Variants in RBFOX1 observed in about 807,000 individuals in gnomAD.
RBFOX1 encodes the protein RNA binding protein fox-1 homolog 1.
A neutral mutation model predicts 57.7 loss-of-function variants in RBFOX1; 8 were observed. The ratio of observed to expected loss-of-function variants is 0.14; its 90% CI spans 0.08 to 0.25. The LOEUF is 0.25. Ranked by LOEUF, RBFOX1 falls within the 10% of genes least tolerant of loss-of-function variation. The pLI is 1.00. For synonymous variants in RBFOX1, 326 were observed against 222.4 expected (o/e 1.47, Z -4.15); for missense variants, 611 against 548.5 (o/e 1.11, Z -1.14).
chr16:7,087,596 G>C (rs1412593178), intron 4 of RBFOX1, among the ~76,000 whole-genome samples: 1 of 151,840 alleles, frequency 6.6e-6, no homozygotes, highest in East Asian at 1.9e-4. Flanking sequence ...GAGGGGGAGA[G>C]AGAGGGAGAG....
chr16:7,508,455 G>A (rs2074070086), intron 4 of RBFOX1, among the ~76,000 whole-genome samples: 1 of 152,094 alleles, frequency 6.6e-6, no homozygotes, highest in African/African-American at 2.4e-5. Flanking sequence ...TGCTGTCCTC[G>A]CATACTGAGC....
intron 5 of RBFOX1, among the ~76,000 whole-genome samples, chr16:7,543,148 AG>A (rs2083422951): frequency 2.0e-5 from 3 of 152,310 alleles, no homozygotes; most frequent in East Asian, 3.9e-4. Context: ...TAAATCACTC[AG>A]GGTTGGTGTT....
chr16:7,213,159 C>A (rs555973417), intron 4 of RBFOX1, among the ~76,000 whole-genome samples: 42 of 152,252 alleles, frequency 2.8e-4, no homozygotes, highest in Admixed American at 5.2e-4. Flanking sequence ...TCCCTAACCA[C>A]CTCAAAACAC....
chr16:6,794,155 C>T (rs913015182), intron 3 of RBFOX1, among the ~76,000 whole-genome samples: 2 of 152,028 alleles, frequency 1.3e-5, no homozygotes, highest in Non-Finnish European at 2.9e-5. Context: ...GAAAGTGTTC[C>T]CTAAGTTCTT....
At position 5,543,332 on chromosome 16, in the gene RBFOX1, G is replaced by GA. The variant is rs555029629; in HGVS notation, c.259-55569dup. Among the ~76,000 whole-genome samples the GA allele has an allele frequency of 5.9e-5, 9 of 152,046 alleles. No individual in the cohort carries two copies. The South Asian group carries it at 1.9e-3, about 32-fold the overall frequency. ...TAAAAAATTAAACAGAAACATGGAA[G>GA]ACAAAAAAAGACCCAAATCAAAACT... On this transcript the variant is annotated intron_variant, in intron 2 of 2. Transcript: ENST00000585867.
intron 2 of RBFOX1, among the ~76,000 whole-genome samples, chr16:6,560,172 A>G (rs2097160635): frequency 3.4e-5 from 2 of 58,414 alleles, no homozygotes; most frequent in East Asian, 5.4e-4. Context: ...TTTGCCATTT[A>G]TCAAAAAAAA....
chr16:7,642,439 A>C (rs1336087565), intron 11 of RBFOX1, among the ~76,000 whole-genome samples: 1 of 152,096 alleles, frequency 6.6e-6, no homozygotes, highest in Non-Finnish European at 1.5e-5. Context: ...TCGCGTACCC[A>C]TCTTGTGAGC....
At chr16:5,797,909 G>A (rs982922746) in intron 3 of RBFOX1, among the ~76,000 whole-genome samples, 5 of 152,170 alleles carry the variant, frequency 3.3e-5, no homozygotes, top group Middle Eastern at 3.2e-3. Context: ...CACTCCATCT[G>A]CTTGAGGTTA....
intron 3 of RBFOX1, among the ~76,000 whole-genome samples, chr16:6,867,250 C>G (rs918569627): frequency 6.6e-6 from 1 of 151,640 alleles, no homozygotes; most frequent in African/African-American, 2.4e-5. Context: ...TTTTTTCTTC[C>G]TTTTTTTTCC....
chr16:7,085,340 C>G (rs2059829015), intron 4 of RBFOX1, among the ~76,000 whole-genome samples: 1 of 151,968 alleles, frequency 6.6e-6, no homozygotes, highest in South Asian at 2.1e-4. Flanking sequence ...CCTTACCTTG[C>G]TGGATCAGCC....
intron 12 of RBFOX1, among the ~76,000 whole-genome samples, chr16:7,663,185 C>G (rs922558755): frequency 1.7e-4 from 26 of 152,184 alleles, no homozygotes; most frequent in African/African-American, 6.0e-4. Flanking sequence ...CCTTCTGACC[C>G]CCCAACCGAC....
rs538035312 is a variant in RBFOX1, at chr16:6,459,074, G to A, written c.-64+142017G>A. On this transcript the variant is annotated intron_variant, in intron 2 of 15. Transcript: ENST00000550418. ...TTTTCAGCCAAGCCTGGTGGCTCAC[G>A]CCTGTAATCCCAGCACTTTGGGAGG... 2.9e-4 allele frequency among the ~76,000 whole-genome samples: 44 copies of A among 152,308 alleles called. No individual in the cohort carries two copies. In the South Asian group the frequency reaches 8.5e-3, roughly 29 times the overall value.
At chr16:7,254,482 C>T (rs965443002) in intron 4 of RBFOX1, among the ~76,000 whole-genome samples, 4 of 140,276 alleles carry the variant, frequency 2.9e-5, no homozygotes, top group African/African-American at 1.1e-4. Flanking sequence ...TGTCATGTTC[C>T]TGTCTCTCTC....
chr16:7,637,870 C>A (rs1333064403), intron 11 of RBFOX1, among the ~76,000 whole-genome samples: 2 of 152,072 alleles, frequency 1.3e-5, no homozygotes, highest in Non-Finnish European at 1.5e-5. Context: ...CATTTTAATG[C>A]AATATTTTTA....
At chr16:6,442,536 G>C (rs2094405640) in intron 2 of RBFOX1, among the ~76,000 whole-genome samples, 1 of 150,198 alleles carries the variant, frequency 6.7e-6, no homozygotes, top group African/African-American at 2.5e-5. Context: ...CAGCCTGGGA[G>C]AAAGCAAGCC....
At chr16:6,431,898 TTTCTTTCTTTCTTTCTTTC>T (rs1567258026) in intron 2 of RBFOX1, among the ~76,000 whole-genome samples, 59 of 47,664 alleles carry the variant, frequency 1.2e-3, no homozygotes, top group African/African-American at 4.4e-3. Context: ...GCTTGCTTGC[TTTCTTTCTTTCTTTCTTTC>T]TTTCTTTCTT....
intron 2 of RBFOX1, among the ~76,000 whole-genome samples, chr16:6,500,753 TG>T (rs2095886276): frequency 6.6e-6 from 1 of 152,146 alleles, no homozygotes; most frequent in African/African-American, 2.4e-5. Context: ...GTCAAGATGT[TG>T]TTATTCTCCT....
intron 3 of RBFOX1, among the ~76,000 whole-genome samples, chr16:6,806,391 A>G (rs1463419961): frequency 6.6e-6 from 1 of 152,188 alleles, no homozygotes; most frequent in African/African-American, 2.4e-5. Flanking sequence ...AATAAGGAAA[A>G]ACCAGAAAGA....
At chr16:5,436,746 G>A (rs1440915160) in intron 1 of RBFOX1, among the ~76,000 whole-genome samples, 1 of 151,990 alleles carries the variant, frequency 6.6e-6, no homozygotes, top group African/African-American at 2.4e-5. Context: ...GCTGAGGCAC[G>A]AGAATCACTT....
Sources: allele counts gnomAD v4.1 joint callset (sites outside exome capture counted in the v4.1 genomes callset), GRCh38; gene constraint gnomAD v4.1.1; transcripts MANE v1.5; gene names NCBI Gene and HGNC (gene_info 2026-07-23, HGNC 2026-07-21).